TASOR2: variants seen among roughly 807,000 people sequenced by gnomAD.
TASOR2 encodes transcription activation suppressor family member 2, also known as protein TASOR 2.
Under a neutral mutation model 199.5 loss-of-function variants are expected in TASOR2, and 84 were observed. That is an observed-to-expected ratio of 0.42 (90% CI 0.35 to 0.50). The LOEUF (loss-of-function observed/expected upper bound fraction) is 0.50. Among genes scored for constraint, TASOR2 ranks in the 20% least tolerant of loss-of-function variants. The pLI is 0.02. For missense variants in TASOR2, 2,796 were observed against 2,835.9 expected, an observed-to-expected ratio of 0.99 and a Z score of 0.32; for synonymous variants, 1,103 against 1,046.6, an observed-to-expected ratio of 1.05 and a Z score of -1.04.
At chr10:5,746,392 T>C in exon 15 of TASOR2, 1 of 1,614,218 alleles carries the variant, frequency 6.2e-7, no homozygotes, top group Non-Finnish European at 8.5e-7. Context: ...GCCAGTGATA[T>C]GTCAGAGCTC....
At chr10:5,744,919 G>A (rs905952537) in intron 14 of TASOR2, among the ~76,000 whole-genome samples, 8 of 152,202 alleles carry the variant, frequency 5.3e-5, no homozygotes, top group South Asian at 4.1e-4. Flanking sequence ...GTGAGAAGCC[G>A]TGCCCTACCT....
At chr10:5,733,057 A>T (rs1448036442) in intron 11 of TASOR2, among the ~76,000 whole-genome samples, 1 of 152,212 alleles carries the variant, frequency 6.6e-6, no homozygotes, top group Non-Finnish European at 1.5e-5. Flanking sequence ...AACTCAACAT[A>T]AATTGTCACT....
chr10:5,758,775 TG>T, intron 17 of TASOR2, 111 bp from the exon 19 acceptor site: 1 of 731,640 alleles, frequency 1.4e-6, no homozygotes, highest in Non-Finnish European at 2.3e-6. Context: ...TACTCAACCA[TG>T]GGTCTTAGTC....
chr10:5,714,531 G>A (rs1832354151), intron 2 of TASOR2: 1 of 190,564 alleles, frequency 5.2e-6, no homozygotes, highest in African/African-American at 2.3e-5. Context: ...TCAAATATAA[G>A]CTTTTAAACT....
rs777309004 is a variant in TASOR2, at chr10:5,739,727, T to C, written c.1557T>C (p.Asn519=). ...CAGAAAATACCACAGCGGCTCACAA[T>C]GATCTTCCTGAAAACTCCATCGTCA... The change falls in exon 13 of 21, where the codon AAT becomes AAC. Residue 519 remains asparagine, a synonymous_variant. Coordinates refer to ENST00000328090, the Ensembl canonical transcript of TASOR2. The C allele has an allele frequency of 5.0e-6, 8 of 1,614,198 alleles. No individual in the cohort carries two copies. In the Middle Eastern group the frequency reaches 4.9e-4, roughly 100 times the overall value.
chr10:5,758,787 T>G, intron 17 of TASOR2, 100 bp from the exon 19 acceptor site: 2 of 821,464 alleles, frequency 2.4e-6, no homozygotes, highest in Non-Finnish European at 4.0e-6. Flanking sequence ...GGTCTTAGTC[T>G]GTTTTTTTCT....
intron 1 of TASOR2, among the ~76,000 whole-genome samples, chr10:5,693,854 G>A (rs116879903): frequency 0.033 from 4,994 of 152,316 alleles, 111 homozygotes; most frequent in South Asian, 0.057. Flanking sequence ...GGTGCTAGGA[G>A]CTCTGTTGGA....
intron 1 of TASOR2, among the ~76,000 whole-genome samples, chr10:5,700,128 C>A (rs1837628078): frequency 6.6e-6 from 1 of 152,112 alleles, no homozygotes; most frequent in Non-Finnish European, 1.5e-5. Context: ...ACCACCAAAT[C>A]TACTCTCTAT....
Position 5,710,335 on chromosome 10 carries a change from T to G in TASOR2, c.-287-2488T>G, listed in dbSNP as rs755358570. On this transcript the variant is annotated intron_variant, in intron 1 of 20. Coordinates refer to ENST00000328090, the Ensembl canonical transcript of TASOR2. This position sits in a 1 kb window ranked among gnomAD's most constrained non-coding sequence, Gnocchi z 4.6. ...ATACCTCTGCTAACCATAAAATCAC[T>G]GCTTTTATGCATATACTGCTATATA... Among the ~76,000 whole-genome samples the G allele has an allele frequency of 9.2e-5, 14 of 152,152 alleles. No individual in the cohort carries two copies. The highest frequency in any genetic ancestry group is 1.9e-4 in the Non-Finnish European group (13 of 67,972).
intron 1 of TASOR2, among the ~76,000 whole-genome samples, chr10:5,697,075 G>A (rs1837250899): frequency 6.6e-6 from 1 of 152,178 alleles, no homozygotes; most frequent in Non-Finnish European, 1.5e-5. Flanking sequence ...CAGAACTGAA[G>A]AAGGTGACTT....
exon 15 of TASOR2, chr10:5,746,986 A>G: frequency 6.2e-7 from 1 of 1,614,158 alleles, no homozygotes; most frequent in Non-Finnish European, 8.5e-7. Flanking sequence ...ACAGACTCAG[A>G]GTCTCCTCGG....
Position 5,755,556 on chromosome 10 carries a change from A to G in TASOR2, c.6607-1057A>G, listed in dbSNP as rs139093897. On this transcript the variant is annotated intron_variant, in intron 15 of 20. Coordinates refer to ENST00000328090, the Ensembl canonical transcript of TASOR2. The stretch of plus-strand genomic sequence containing the variant: ...ACCACTGCACTCCAGCCTGGGTGAC[A>G]GAGTAAGACAACATCTCAAAAAAAA... Among the ~76,000 whole-genome samples, 928 of 152,200 alleles carry G rather than the reference A, an allele frequency of 6.1e-3. 16 individuals carry two copies. Among genetic ancestry groups the G allele is most frequent in the South Asian group, 0.045 (217 of 4,826 alleles).
intron 2 of TASOR2, among the ~76,000 whole-genome samples, chr10:5,716,652 T>C (rs1832688695): frequency 6.6e-6 from 1 of 152,100 alleles, no homozygotes; most frequent in Non-Finnish European, 1.5e-5. Flanking sequence ...CGGTGGCTCA[T>C]GCCTGTAATC....
At chr10:5,726,600 G>C (rs1269318105) in intron 8 of TASOR2, among the ~76,000 whole-genome samples, 1 of 152,104 alleles carries the variant, frequency 6.6e-6, no homozygotes, top group Non-Finnish European at 1.5e-5. Flanking sequence ...AGCTGTCTCA[G>C]TGAAAAAAAT....
rs1201913858 is a variant in TASOR2, at chr10:5,752,684, A to G, written c.6606+2657A>G. On this transcript the variant is annotated intron_variant, in intron 15 of 20. Transcript: ENST00000328090. The surrounding 1 kb of genome is among the most constrained non-coding windows in gnomAD (Gnocchi z 4.4). ...ACTTCTCATCTGGAGTACTAAGGCC[A>G]CTGCAGAAACCACAGAGCTGCATAA... Among the ~76,000 whole-genome samples, 1 of 152,228 alleles carries G rather than the reference A, an allele frequency of 6.6e-6. No homozygotes were observed. Among genetic ancestry groups the G allele is most frequent in the Non-Finnish European group, 1.5e-5 (1 of 68,034 alleles).
At chr10:5,749,995 A>G in exon 15 of TASOR2, 1 of 1,607,912 alleles carries the variant, frequency 6.2e-7, no homozygotes, top group Non-Finnish European at 8.5e-7. Flanking sequence ...CCTTGTCGAA[A>G]CAGAAGACAA....
At chr10:5,703,492 AG>A (rs1463010935) in intron 1 of TASOR2, among the ~76,000 whole-genome samples, 3 of 133,458 alleles carry the variant, frequency 2.2e-5, no homozygotes, top group Non-Finnish European at 3.2e-5. Flanking sequence ...TTGCTAGTTT[AG>A]GTTTTTCTGA....
chr10:5,723,043 C>CTTTTTTT (rs1183983010), intron 6 of TASOR2, among the ~76,000 whole-genome samples: 13 of 72,896 alleles, frequency 1.8e-4, no homozygotes, highest in South Asian at 1.5e-3. Flanking sequence ...CAGGAAATAA[C>CTTTTTTT]TTTTTTTTTT....
Position 5,687,509 on chromosome 10 carries a change from C to G in TASOR2, c.-288+2334C>G, listed in dbSNP as rs1041316377. Among the ~76,000 whole-genome samples the G allele has an allele frequency of 6.6e-6, 1 of 152,218 alleles. No individual in the cohort carries two copies. Among genetic ancestry groups the G allele is most frequent in the East Asian group, 1.9e-4 (1 of 5,200 alleles). ...ATTTAGAAACTTTATTCCCAGGACC[C>G]CTCTACACTTTTTAAGAACCATTGA... is the stretch of plus-strand genomic sequence containing the variant. On this transcript the variant is annotated intron_variant, in intron 1 of 20. Coordinates refer to ENST00000328090, the Ensembl canonical transcript of TASOR2. This position sits in a 1 kb window ranked among gnomAD's most constrained non-coding sequence, Gnocchi z 4.8.
Sources: gnomAD v4.1 joint callset for allele counts (sites outside exome capture counted in the v4.1 genomes callset) on GRCh38, gnomAD v4.1.1 for gene constraint, Gnocchi (gnomAD v3.1) non-coding constraint, MANE v1.5 for transcripts, NCBI Gene and HGNC (gene_info 2026-07-23, HGNC 2026-07-21) for gene names.